Variants in DENND5B observed in about 807,000 individuals in gnomAD.
DENND5B encodes DENN domain containing 5B, also known as DENN domain-containing protein 5B.
DENND5B carries 34 observed loss-of-function variants against 140.6 expected under a neutral mutation model. That is an observed-to-expected ratio of 0.24 (90% CI 0.18 to 0.32). DENND5B has a LOEUF of 0.32. Ranked by LOEUF, DENND5B falls within the 10% of genes least tolerant of loss-of-function variation. DENND5B has a pLI of 1.00. For missense variants in DENND5B, 1,142 were observed against 1,560.2 expected (o/e 0.73, Z 4.52); for synonymous variants, 551 against 562.1 (o/e 0.98, Z 0.28).
At chr12:31,533,320 C>A (rs1948357833) in intron 1 of DENND5B, among the ~76,000 whole-genome samples, 1 of 152,054 alleles carries the variant, frequency 6.6e-6, no homozygotes, top group Non-Finnish European at 1.5e-5. Context: ...AAATACAGTA[C>A]ATGCTATTTA....
intron 6 of DENND5B, chr12:31,443,771 C>T (rs1944156295): frequency 6.6e-6 from 1 of 152,104 alleles, no homozygotes; most frequent in Non-Finnish European, 1.5e-5. Flanking sequence ...TCACTTTTAG[C>T]AACAGTCACG....
At chr12:31,589,616 A>T (rs1231308978) in intron 1 of DENND5B, among the ~76,000 whole-genome samples, 4 of 152,014 alleles carry the variant, frequency 2.6e-5, no homozygotes, top group Non-Finnish European at 2.9e-5. Context: ...CCAAAGGAAA[A>T]GCGAAAAATT....
chr12:31,431,096 C>T (rs1449243602), intron 8 of DENND5B, among the ~76,000 whole-genome samples: 4 of 152,126 alleles, frequency 2.6e-5, no homozygotes, highest in African/African-American at 7.2e-5. Flanking sequence ...CTAGAAGTAA[C>T]CCCAGATTTC....
At chr12:31,417,414 T>C (rs1414434148) in intron 11 of DENND5B, among the ~76,000 whole-genome samples, 3 of 151,530 alleles carry the variant, frequency 2.0e-5, no homozygotes, top group Non-Finnish European at 4.4e-5. Flanking sequence ...TCTGATAAGT[T>C]TCTACCTTAA....
chr12:31,470,608 C>T (rs1945514811), intron 3 of DENND5B, among the ~76,000 whole-genome samples: 1 of 152,136 alleles, frequency 6.6e-6, no homozygotes, highest in Non-Finnish European at 1.5e-5. Flanking sequence ...CACAAATAAA[C>T]CAAGACACCT....
At chr12:31,514,821 CAA>C (rs1334954260) in intron 1 of DENND5B, among the ~76,000 whole-genome samples, 2 of 94,142 alleles carry the variant, frequency 2.1e-5, no homozygotes. Context: ...GACTCCGTCT[CAA>C]AAAAAAAAAA....
At chr12:31,544,007 T>C (rs1948771378) in intron 1 of DENND5B, among the ~76,000 whole-genome samples, 2 of 152,140 alleles carry the variant, frequency 1.3e-5, no homozygotes, top group South Asian at 4.2e-4. Flanking sequence ...CTACTAAAAA[T>C]ACAAAAACTA....
At chr12:31,413,393 C>T in intron 13 of DENND5B, 43 bp downstream of exon 13, 20 of 1,591,322 alleles carry the variant, frequency 1.3e-5, no homozygotes, top group Non-Finnish European at 1.7e-5. Context: ...TTTGTATGCA[C>T]ATGGATTATA....
At chr12:31,499,733 A>G (rs1946932342) in intron 1 of DENND5B, 1 of 1,302,234 alleles carries the variant, frequency 7.7e-7, no homozygotes, top group African/African-American at 1.5e-5. Flanking sequence ...AAAAAGCAAA[A>G]ATGACTTTGA....
rs1056357548 is a variant in DENND5B, at chr12:31,511,910, C to G, written c.128-15991G>C. Among the ~76,000 whole-genome samples, 71 of 146,270 alleles carry G rather than the reference C, an allele frequency of 4.9e-4. 1 individual carries two copies. The highest frequency in any genetic ancestry group is 1.8e-3 in the African/African-American group (70 of 39,682). On this transcript the variant is annotated intron_variant, in intron 1 of 20. Transcript: ENST00000389082. ...TATAATTTAAGAAATAAAAACATCCCCTCCACTGCCCTTTTTTTTTTTTTT... is the reference window on the plus strand; with the variant it reads ...TATAATTTAAGAAATAAAAACATCCGCTCCACTGCCCTTTTTTTTTTTTTT...
chr12:31,399,792 G>C lies in DENND5B; in HGVS notation c.2950-20C>G. ...CTGGCACTGTAGGGACAGGACCTTA[G>C]GTTATTTAGTACCCAATCCCATCCT... On this transcript the variant is annotated intron_variant, in intron 15 of 20. Transcript: ENST00000389082. The C allele has an allele frequency of 6.3e-7, 1 of 1,594,250 alleles. No individual in the cohort carries two copies. Among genetic ancestry groups the C allele is most frequent in the Non-Finnish European group, 8.6e-7 (1 of 1,163,844 alleles).
intron 1 of DENND5B, among the ~76,000 whole-genome samples, chr12:31,575,004 A>G (rs935385684): frequency 1.3e-5 from 2 of 152,220 alleles, no homozygotes; most frequent in Non-Finnish European, 2.9e-5. Flanking sequence ...TCTGGTGAAC[A>G]ATGGCACAAA....
At chr12:31,577,649 T>C (rs574703485) in intron 1 of DENND5B, among the ~76,000 whole-genome samples, 4 of 140,548 alleles carry the variant, frequency 2.8e-5, no homozygotes, top group African/African-American at 1.1e-4. Flanking sequence ...AGGCAGAGCT[T>C]GCAGTGAGCT....
chr12:31,488,303 T>C (rs1197692773), intron 2 of DENND5B, among the ~76,000 whole-genome samples: 1 of 152,012 alleles, frequency 6.6e-6, no homozygotes, highest in Non-Finnish European at 1.5e-5. Context: ...TTCCATCAAG[T>C]AGGCAATACA....
chr12:31,535,627 G>C (rs1419105280), intron 1 of DENND5B, among the ~76,000 whole-genome samples: 2 of 152,150 alleles, frequency 1.3e-5, no homozygotes, highest in African/African-American at 4.8e-5. Flanking sequence ...ACACGGCTTA[G>C]ATCTCAATAC....
intron 5 of DENND5B, among the ~76,000 whole-genome samples, chr12:31,451,073 A>G (rs938805463): frequency 5.3e-5 from 8 of 152,186 alleles, no homozygotes; most frequent in Non-Finnish European, 1.2e-4. Context: ...CTTTTATCTT[A>G]AAATGAGATA....
At chr12:31,590,121 T>G (rs1370544452) in intron 1 of DENND5B, 1 of 152,192 alleles carries the variant, frequency 6.6e-6, no homozygotes, top group Non-Finnish European at 1.5e-5. Flanking sequence ...TTCCAAAAGG[T>G]GACTTGGCCG....
intron 3 of DENND5B, among the ~76,000 whole-genome samples, chr12:31,478,561 T>C (rs1945926617): frequency 1.3e-5 from 2 of 152,028 alleles, no homozygotes; most frequent in South Asian, 4.2e-4. Context: ...AATTAGCTGA[T>C]GCGGTGGCAC....
intron 1 of DENND5B, among the ~76,000 whole-genome samples, chr12:31,523,162 G>A (rs1313718920): frequency 6.6e-6 from 1 of 151,136 alleles, no homozygotes; most frequent in African/African-American, 2.4e-5. Flanking sequence ...AGGTTCAAGC[G>A]ATCATCCCAC....
Sources: allele counts gnomAD v4.1 joint callset (sites outside exome capture counted in the v4.1 genomes callset), GRCh38; gene constraint gnomAD v4.1.1; transcripts MANE v1.5; gene names NCBI Gene and HGNC (gene_info 2026-07-23, HGNC 2026-07-21).